ARB2A: variants seen among roughly 807,000 people sequenced by gnomAD.
ARB2A encodes the protein cotranscriptional regulator ARB2A.
At chr5:94,009,881 T>C in the ARB2A span, among the ~76,000 whole-genome samples, 1 of 151,762 alleles carries the variant, frequency 6.6e-6, no homozygotes. Context: ...AGTGATACCC[T>C]CTCTCGTATC....
chr5:94,066,442 ACAC>A, the ARB2A span, among the ~76,000 whole-genome samples: 1 of 151,114 alleles, frequency 6.6e-6, no homozygotes, highest in African/African-American at 2.4e-5. Context: ...ACACACACAC[ACAC>A]ACACACACAC....
At chr5:94,022,074 A>G in the ARB2A span, among the ~76,000 whole-genome samples, 2 of 152,292 alleles carry the variant, frequency 1.3e-5, no homozygotes, top group African/African-American at 4.8e-5. Context: ...GTCGCAAATA[A>G]TAATAACAAT....
the ARB2A span, among the ~76,000 whole-genome samples, chr5:93,878,675 T>A: frequency 2.1e-3 from 312 of 152,150 alleles, 4 homozygotes; most frequent in South Asian, 0.02. Context: ...ACATATAAAT[T>A]GTTTATAAAC....
chr5:93,967,390 A>T, the ARB2A span, among the ~76,000 whole-genome samples: 41,379 of 152,044 alleles, frequency 0.27, 5,937 homozygotes, highest in South Asian at 0.5. Flanking sequence ...GAAAGTCAAC[A>T]AATCTCATTA....
the ARB2A span, chr5:93,784,441 G>A: frequency 9.9e-6 from 16 of 1,613,406 alleles, no homozygotes; most frequent in Non-Finnish European, 1.4e-5. Flanking sequence ...ATTGTGAACA[G>A]AGTCTGTCAA....
the ARB2A span, among the ~76,000 whole-genome samples, chr5:93,846,272 G>C: frequency 1.5e-4 from 23 of 152,082 alleles, no homozygotes; most frequent in Admixed American, 8.5e-4. Flanking sequence ...AGGAGACTGA[G>C]TAGGGAGGAT....
the ARB2A span, among the ~76,000 whole-genome samples, chr5:93,783,966 T>C: frequency 1.3e-5 from 2 of 152,126 alleles, no homozygotes; most frequent in East Asian, 1.9e-4. Flanking sequence ...CATTTAAGAG[T>C]GGCACATACT....
At chr5:93,787,249 A>C in the ARB2A span, among the ~76,000 whole-genome samples, 1 of 152,180 alleles carries the variant, frequency 6.6e-6, no homozygotes, top group Non-Finnish European at 1.5e-5. Context: ...GATCCCTTTG[A>C]ATAATTACAC....
chr5:93,756,318 T>C, the ARB2A span, among the ~76,000 whole-genome samples: 5 of 152,158 alleles, frequency 3.3e-5, no homozygotes, highest in African/African-American at 9.7e-5. Flanking sequence ...AAAGGACATA[T>C]AATCTTGGGC....
At chr5:93,771,531 G>C in the ARB2A span, among the ~76,000 whole-genome samples, 107 of 151,906 alleles carry the variant, frequency 7.0e-4, 1 homozygote, top group South Asian at 2.1e-4. Flanking sequence ...CTACAAAATG[G>C]GAGAAAATTT....
the ARB2A span, among the ~76,000 whole-genome samples, chr5:93,718,312 G>A: frequency 5.9e-5 from 9 of 151,970 alleles, no homozygotes; most frequent in Admixed American, 5.9e-4. Flanking sequence ...GTTGGCGGGT[G>A]CCTGTAGTCC....
the ARB2A span, chr5:93,741,206 A>G: frequency 2.5e-6 from 4 of 1,613,864 alleles, 1 homozygote; most frequent in Admixed American, 6.7e-5. Flanking sequence ...AGTATGCCCG[A>G]GATGTCCTCT....
chr5:93,911,058 TA>T, the ARB2A span: 2 of 151,634 alleles, frequency 1.3e-5, no homozygotes, highest in African/African-American at 4.8e-5. Context: ...CATTGTTGTT[TA>T]ACATTACTGT....
At chr5:93,761,465 C>T in the ARB2A span, among the ~76,000 whole-genome samples, 1 of 152,186 alleles carries the variant, frequency 6.6e-6, no homozygotes, top group Admixed American at 6.5e-5. Context: ...ATTGCTAGCA[C>T]AGCAGTCTGA....
chr5:93,789,455 G>GT, the ARB2A span, among the ~76,000 whole-genome samples: 1 of 152,308 alleles, frequency 6.6e-6, no homozygotes, highest in East Asian at 1.9e-4. Flanking sequence ...TTCAGATTAA[G>GT]TTGTTTCAAA....
the ARB2A span, among the ~76,000 whole-genome samples, chr5:93,986,743 G>T: frequency 6.6e-6 from 1 of 152,160 alleles, no homozygotes; most frequent in East Asian, 1.9e-4. Context: ...GGAAACATGT[G>T]CTGTGTCAAC....
chr5:93,790,539 T>A, the ARB2A span, among the ~76,000 whole-genome samples: 1 of 152,276 alleles, frequency 6.6e-6, no homozygotes, highest in South Asian at 2.1e-4. Flanking sequence ...AATCCTGTCA[T>A]CAGCACACTA....
chr5:93,888,507 T>C, the ARB2A span, among the ~76,000 whole-genome samples: 2 of 151,944 alleles, frequency 1.3e-5, no homozygotes, highest in African/African-American at 2.4e-5. Flanking sequence ...ATGCTAGTTA[T>C]GCCTGTGCGT....
chr5:93,649,251 T>C, the ARB2A span, among the ~76,000 whole-genome samples: 4 of 152,244 alleles, frequency 2.6e-5, no homozygotes, highest in East Asian at 1.9e-4. Flanking sequence ...ATCCTGGCAA[T>C]TGGTTAACCC....
Sources: gnomAD v4.1 joint callset for allele counts (sites outside exome capture counted in the v4.1 genomes callset) on GRCh38, gnomAD v4.1.1 for gene constraint, MANE v1.5 for transcripts, NCBI Gene and HGNC (gene_info 2026-07-23, HGNC 2026-07-21) for gene names.